LAMA2: variants seen among roughly 807,000 people sequenced by gnomAD.
LAMA2 encodes the protein laminin subunit alpha-2.
In LAMA2, 269 loss-of-function variants were observed where a neutral mutation model predicts 364.8. The ratio of observed to expected loss-of-function variants is 0.74; its 90% CI spans 0.67 to 0.82. The LOEUF is 0.82. Ranked by LOEUF, LAMA2 falls within the 40% of genes least tolerant of loss-of-function variation. LAMA2 has a pLI of 0.00. For missense variants in LAMA2, 3,807 were observed against 3,873.2 expected, an observed-to-expected ratio of 0.98 and a Z score of 0.45; for synonymous variants, 1,379 against 1,370.6, an observed-to-expected ratio of 1.01 and a Z score of -0.14.
chr6:129,144,929 T>G (rs1778339906), intron 5 of LAMA2, among the ~76,000 whole-genome samples: 1 of 151,916 alleles, frequency 6.6e-6, no homozygotes, highest in African/African-American at 2.4e-5. Context: ...TAACCGTGCT[T>G]CCTCCTGTCT....
At chr6:129,441,078 G>A in intron 43 of LAMA2, 80 bp downstream of exon 43, 1 of 1,249,244 alleles carries the variant, frequency 8.0e-7, no homozygotes, top group African/African-American at 1.5e-5. Context: ...AAATGCTCGA[G>A]TTGGAAAGAC....
Position 129,442,090 on chromosome 6 carries a change from T to G in LAMA2, c.6269-973T>G, listed in dbSNP as rs185005096. Reference sequence around the variant, plus strand: ...TTTCAAGAGACTAGCCCTCTTTATATGCCAACATTTTTGGGGGGGTATCAA... The same window carrying G: ...TTTCAAGAGACTAGCCCTCTTTATAGGCCAACATTTTTGGGGGGGTATCAA... On this transcript the variant is annotated intron_variant, in intron 43 of 64. Coordinates refer to ENST00000421865, the MANE Select transcript of LAMA2 (RefSeq NM_000426.4). The G allele has an allele frequency of 9.4e-5, 55 of 587,570 alleles. No individual in the cohort carries two copies. In the Admixed American group the frequency reaches 9.8e-4, roughly 10 times the overall value. 36.4% of individuals were successfully genotyped at this position (587,570 alleles called of 1,614,324 possible).
At chr6:129,371,865 C>A (rs1026239784) in intron 34 of LAMA2, among the ~76,000 whole-genome samples, 1 of 152,006 alleles carries the variant, frequency 6.6e-6, no homozygotes, top group Non-Finnish European at 1.5e-5. Flanking sequence ...CCTTGGCCTC[C>A]CAAAATGCTG....
chr6:129,442,848 A>G (rs1782186723), intron 43 of LAMA2: 4 of 557,610 alleles, frequency 7.2e-6, no homozygotes, highest in Non-Finnish European at 1.3e-5. Context: ...AAACATAGAA[A>G]TAATTTTTAA....
intron 1 of LAMA2, among the ~76,000 whole-genome samples, chr6:128,973,115 T>C (rs528622614): frequency 5.3e-5 from 8 of 152,324 alleles, no homozygotes; most frequent in African/African-American, 1.7e-4. Context: ...AAATTGGTAA[T>C]TCAACTATTG....
intron 13 of LAMA2, among the ~76,000 whole-genome samples, chr6:129,251,016 T>G (rs9492280): frequency 1.3e-4 from 10 of 77,060 alleles, no homozygotes; most frequent in South Asian, 4.7e-4. Context: ...GTCTCTCTCT[T>G]TCTCTCTCTC....
At chr6:129,171,461 T>C in intron 9 of LAMA2, among the ~76,000 whole-genome samples, 1 of 152,008 alleles carries the variant, frequency 6.6e-6, no homozygotes. Flanking sequence ...TATGAAATTC[T>C]GGGTTGAAAA....
rs1488395856 is a variant in LAMA2 at position 129,279,626 on chromosome 6, A to G, written c.2451-435A>G. 2.6e-5 allele frequency among the ~76,000 whole-genome samples: 4 copies of G among 152,296 alleles called. No individual in the cohort carries two copies. In the East Asian group the frequency reaches 7.7e-4, roughly 29 times the overall value. On this transcript the variant is annotated intron_variant, in intron 17 of 64. Transcript: ENST00000421865. ...TATGGCAGTAGCTGAAGAAGGAAGC[A>G]CTGCCACCACCACTACCACATACTG...
chr6:129,167,971 A>G (rs1779870509), intron 9 of LAMA2, among the ~76,000 whole-genome samples: 1 of 150,620 alleles, frequency 6.6e-6, no homozygotes, highest in East Asian at 1.9e-4. Flanking sequence ...TCTTTTGAGA[A>G]GTGTCTGTTC....
intron 62 of LAMA2, among the ~76,000 whole-genome samples, chr6:129,508,005 C>A (rs1479875929): frequency 6.6e-6 from 1 of 152,156 alleles, no homozygotes; most frequent in African/African-American, 2.4e-5. Context: ...CAATTCCCTG[C>A]AAGGCTGTAT....
chr6:129,200,962 C>T (rs1782248738), intron 12 of LAMA2, among the ~76,000 whole-genome samples: 1 of 152,058 alleles, frequency 6.6e-6, no homozygotes, highest in Non-Finnish European at 1.5e-5. Flanking sequence ...AAAAATTATG[C>T]TAAAGACAAA....
chr6:128,907,791 T>A (rs1777594465), intron 1 of LAMA2, among the ~76,000 whole-genome samples: 1 of 152,204 alleles, frequency 6.6e-6, no homozygotes, highest in Non-Finnish European at 1.5e-5. Flanking sequence ...TAGCTCTTAT[T>A]ATTTTGAAAT....
chr6:129,349,271 T>C, intron 30 of LAMA2, 27 bp from the exon 31 acceptor site: 1 of 1,584,494 alleles, frequency 6.3e-7, no homozygotes, highest in Non-Finnish European at 8.7e-7. Flanking sequence ...TTAAACTTTT[T>C]TTGCAATCCT....
At chr6:128,970,187 A>T (rs370336657) in intron 1 of LAMA2, among the ~76,000 whole-genome samples, 1 of 152,188 alleles carries the variant, frequency 6.6e-6, no homozygotes, top group Non-Finnish European at 1.5e-5. Flanking sequence ...TCTGAACTCT[A>T]AGTCATATTT....
At chr6:128,997,127 T>C (rs1312660645) in intron 1 of LAMA2, among the ~76,000 whole-genome samples, 1 of 151,446 alleles carries the variant, frequency 6.6e-6, no homozygotes, top group African/African-American at 2.4e-5. Context: ...CTGGGGCCTG[T>C]TGGGGGAGGG....
intron 1 of LAMA2, among the ~76,000 whole-genome samples, chr6:129,045,859 G>C (rs1257405138): frequency 6.6e-6 from 1 of 152,168 alleles, no homozygotes; most frequent in Non-Finnish European, 1.5e-5. Flanking sequence ...CAGGGCACAG[G>C]GAGTCTTACC....
chr6:129,350,802 G>A (rs1012363718), intron 31 of LAMA2, among the ~76,000 whole-genome samples: 2 of 151,844 alleles, frequency 1.3e-5, no homozygotes, highest in African/African-American at 4.8e-5. Flanking sequence ...AAATAATTAG[G>A]GTTAAGCTTT....
At chr6:129,193,333 A>G (rs1335680397) in intron 12 of LAMA2, among the ~76,000 whole-genome samples, 1 of 152,230 alleles carries the variant, frequency 6.6e-6, no homozygotes, top group East Asian at 1.9e-4. Flanking sequence ...AACTAATTAA[A>G]TGCTTGCCAT....
At chr6:128,909,944 T>G (rs1228963507) in intron 1 of LAMA2, among the ~76,000 whole-genome samples, 1 of 152,110 alleles carries the variant, frequency 6.6e-6, no homozygotes, top group East Asian at 1.9e-4. Context: ...TTCTTTTCTT[T>G]AAGAATGTTG....
Sources: allele counts gnomAD v4.1 joint callset (sites outside exome capture counted in the v4.1 genomes callset), GRCh38; gene constraint gnomAD v4.1.1; transcripts MANE v1.5; gene names NCBI Gene and HGNC (gene_info 2026-07-23, HGNC 2026-07-21).